Variants in DRAXIN observed in about 807,000 individuals in gnomAD.
DRAXIN encodes dorsal inhibitory axon guidance protein.
A neutral mutation model predicts 33.9 loss-of-function variants in DRAXIN; 27 were observed. That is an observed-to-expected ratio of 0.80 (90% confidence interval 0.59 to 1.10). DRAXIN has a LOEUF of 1.10. Among genes scored for constraint, DRAXIN ranks in the 50% least tolerant of loss-of-function variants. DRAXIN has a pLI of 0.00. For missense variants in DRAXIN, 371 were observed against 460.8 expected, an observed-to-expected ratio of 0.81 and a Z score of 1.78; for synonymous variants, 178 against 194.0, an observed-to-expected ratio of 0.92 and a Z score of 0.69.
At chr1:11,703,555 C>G (rs1271026236) in intron 1 of DRAXIN, among the ~76,000 whole-genome samples, 1 of 152,140 alleles carries the variant, frequency 6.6e-6, no homozygotes, top group Non-Finnish European at 1.5e-5. Context: ...AGTAAGGAGT[C>G]TGTGGTTGCA....
At chr1:11,695,797 G>A (rs1641182456) in intron 1 of DRAXIN, among the ~76,000 whole-genome samples, 2 of 152,010 alleles carry the variant, frequency 1.3e-5, no homozygotes, top group South Asian at 2.1e-4. Context: ...AATTGCCTAG[G>A]AGAGGAGGAA....
At position 11,719,737 on chromosome 1, in the gene DRAXIN, C is replaced by T; in HGVS notation, c.*41C>T. 6.4e-7 allele frequency: 1 copy of T among 1,558,570 alleles called. No homozygotes were observed. Among genetic ancestry groups the T allele is most frequent in the Non-Finnish European group, 8.8e-7 (1 of 1,134,610 alleles). On this transcript the variant is annotated 3_prime_UTR_variant, in exon 7 of 7. Transcript: ENST00000294485. Reference sequence around the variant, plus strand: ...GGGGACTGAGCCCAGGAGGTTTGCACAAGCCGGGCGATTTGTTTGTAACTA... The same window carrying T: ...GGGGACTGAGCCCAGGAGGTTTGCATAAGCCGGGCGATTTGTTTGTAACTA...
Position 11,714,953 on chromosome 1 carries a change from A to C in DRAXIN, c.848-166A>C, listed in dbSNP as rs145556345. 2.1e-3 allele frequency among the ~76,000 whole-genome samples: 314 copies of C among 152,282 alleles called. 2 individuals are homozygous for C. The highest frequency in any genetic ancestry group is 7.1e-3 in the African/African-American group (296 of 41,566). ...GACCCTTGGGGGCCTCGGCCATGAC[A>C]TCTCCCTGTGGTTCCACTCAGGAGC... On this transcript the variant is annotated intron_variant, in intron 5 of 6. Coordinates refer to ENST00000294485, the MANE Select transcript of DRAXIN (RefSeq NM_198545.4).
Position 11,701,431 on chromosome 1 carries a change from G to T in DRAXIN, c.-10-4818G>T, listed in dbSNP as rs1641272589. ...CCCTGATGTACAGCGCAGTTGAGAG[G>T]AAAAATGAGATGTGAATGAAAGAAA... is the stretch of plus-strand genomic sequence containing the variant. On this transcript the variant is annotated intron_variant, in intron 1 of 6. Transcript: ENST00000294485. Among the ~76,000 whole-genome samples, 3 of 152,218 alleles carry T rather than the reference G, an allele frequency of 2.0e-5. No homozygotes were observed. The South Asian group carries it at 6.2e-4, about 31-fold the overall frequency.
rs1207924222 is a variant in DRAXIN, at chr1:11,704,624, C to T, written c.-10-1625C>T. ...CAGGACAGTAGCAGGGACTGTGGTG[C>T]AGGGTCTGTGGCCTTAGGAATGGAT... On this transcript the variant is annotated intron_variant, in intron 1 of 6. Coordinates refer to ENST00000294485, the MANE Select transcript of DRAXIN (RefSeq NM_198545.4). This position sits in a 1 kb window ranked among gnomAD's most constrained non-coding sequence, Gnocchi z 4.6. Among the ~76,000 whole-genome samples the T allele has an allele frequency of 6.6e-6, 1 of 152,172 alleles. No individual in the cohort carries two copies. The highest frequency in any genetic ancestry group is 1.5e-5 in the Non-Finnish European group (1 of 68,026).
chr1:11,688,281 C>T (rs766958542), upstream of DRAXIN, among the ~76,000 whole-genome samples: 1 of 152,070 alleles, frequency 6.6e-6, no homozygotes, highest in Non-Finnish European at 1.5e-5. The surrounding 1 kb of genome is among the most constrained non-coding windows in gnomAD (Gnocchi z 4.6). Context: ...CACACGTGGC[C>T]GGGCACGGTG....
chr1:11,715,089 G>A (rs1321627300), intron 5 of DRAXIN, 30 bp from the exon 6 acceptor site: 1 of 1,613,418 alleles, frequency 6.2e-7, no homozygotes, highest in Non-Finnish European at 8.5e-7. Flanking sequence ...GCTCAGCTTG[G>A]CTGACTGCGT....
chr1:11,712,131 G>A (rs933181098), intron 4 of DRAXIN, among the ~76,000 whole-genome samples, 166 bp downstream of exon 4: 1 of 152,142 alleles, frequency 6.6e-6, no homozygotes, highest in African/African-American at 2.4e-5. Flanking sequence ...CACTTGGAAC[G>A]GAGAATGCTG....
At chr1:11,707,031 C>T (rs898900138) in intron 2 of DRAXIN, among the ~76,000 whole-genome samples, 8 of 152,062 alleles carry the variant, frequency 5.3e-5, no homozygotes, top group African/African-American at 1.9e-4. Context: ...GAAACCCCGT[C>T]TCTACTAAAA....
intron 1 of DRAXIN, among the ~76,000 whole-genome samples, chr1:11,700,378 T>A (rs899811883): frequency 6.6e-6 from 1 of 152,160 alleles, no homozygotes; most frequent in Non-Finnish European, 1.5e-5. Flanking sequence ...GTTCAGAAAA[T>A]CCTGGAGCAT....
intron 5 of DRAXIN, 109 bp downstream of exon 5, chr1:11,712,538 T>A: frequency 2.8e-6 from 3 of 1,053,974 alleles, no homozygotes; most frequent in Non-Finnish European, 4.3e-6. Context: ...TGACCCTTCA[T>A]GGATGATAAA....
In DRAXIN at chr1:11,694,842, CCCAGGTT is replaced by C. The variant is rs1243356609; in HGVS notation, c.-11+2994_-11+3000del. On this transcript the variant is annotated intron_variant, in intron 1 of 6. Transcript: ENST00000294485. This position sits in a 1 kb window ranked among gnomAD's most constrained non-coding sequence, Gnocchi z 4.9. ...TCCTTGCCAGTAGAGGCTCTGCCAC[CCCAGGTT>C]CCAGCTTGACAACGCCCCATGCCCC... Among the ~76,000 whole-genome samples, 2 of 152,164 alleles carry C rather than the reference CCCAGGTT, an allele frequency of 1.3e-5. No individual in the cohort carries two copies. Among genetic ancestry groups the C allele is most frequent in the Non-Finnish European group, 2.9e-5 (2 of 68,030 alleles).
chr1:11,698,743 G>A (rs1641229026), intron 1 of DRAXIN, among the ~76,000 whole-genome samples: 1 of 152,214 alleles, frequency 6.6e-6, no homozygotes, highest in Non-Finnish European at 1.5e-5. Context: ...TGTTGTCCCA[G>A]CTACTTAGGA....
chr1:11,703,378 G>A (rs187551716), intron 1 of DRAXIN, among the ~76,000 whole-genome samples: 3 of 152,280 alleles, frequency 2.0e-5, no homozygotes, highest in African/African-American at 7.2e-5. Flanking sequence ...GGGAGAGGGG[G>A]AGAGGTTCCA....
chr1:11,707,881 T>A (rs12134785), intron 2 of DRAXIN, among the ~76,000 whole-genome samples: 1 of 152,152 alleles, frequency 6.6e-6, no homozygotes, highest in Admixed American at 6.5e-5. Flanking sequence ...GCCAGGGAAC[T>A]TGGCTTCTAA....
At chr1:11,714,404 C>G (rs1287607886) in intron 5 of DRAXIN, among the ~76,000 whole-genome samples, 1 of 152,212 alleles carries the variant, frequency 6.6e-6, no homozygotes, top group South Asian at 2.1e-4. Context: ...CCCCCATGCC[C>G]GTCATTGGCA....
In DRAXIN at chr1:11,692,951, A is replaced by T. The variant is rs796797022; in HGVS notation, c.-11+1098A>T. On this transcript the variant is annotated intron_variant, in intron 1 of 6. Transcript: ENST00000294485. The surrounding 1 kb of genome is among the most constrained non-coding windows in gnomAD (Gnocchi z 5.8). The stretch of plus-strand genomic sequence containing the variant: ...GTTCACACACCCTGTGGAGGAAGGG[A>T]GGGGAGGGGAGGGGAGTCTACAGAC... Among the ~76,000 whole-genome samples the T allele has an allele frequency of 2.8e-4, 29 of 102,572 alleles. 2 individuals carry two copies. The highest frequency in any genetic ancestry group is 1.4e-3 in the South Asian group (4 of 2,800). The allele number at this position is 102,572 out of a possible 152,430, so 67.3% of individuals were successfully genotyped here.
chr1:11,713,925 C>T (rs1222948442), intron 5 of DRAXIN, among the ~76,000 whole-genome samples: 1 of 152,012 alleles, frequency 6.6e-6, no homozygotes, highest in Non-Finnish European at 1.5e-5. Flanking sequence ...CCTAGCTACT[C>T]AGGAGGCTGA....
chr1:11,708,575 C>CA (rs1166006059), intron 2 of DRAXIN, among the ~76,000 whole-genome samples: 1 of 151,874 alleles, frequency 6.6e-6, no homozygotes, highest in Non-Finnish European at 1.5e-5. Context: ...TGAGCCCCTG[C>CA]ACTCCAGCCC....
Sources: allele counts gnomAD v4.1 joint callset (sites outside exome capture counted in the v4.1 genomes callset), GRCh38; gene constraint gnomAD v4.1.1; non-coding constraint Gnocchi (gnomAD v3.1); transcripts MANE v1.5; gene names NCBI Gene and HGNC (gene_info 2026-07-23, HGNC 2026-07-21).